The following JAK1 variants were observed in gnomAD, a reference collection of about 807,000 sequenced individuals.
The protein encoded by JAK1 is tyrosine-protein kinase JAK1.
A neutral mutation model predicts 136.6 loss-of-function variants in JAK1; 16 were observed. That is an observed-to-expected ratio of 0.12 (90% CI 0.08 to 0.18). The LOEUF (loss-of-function observed/expected upper bound fraction) is 0.18, where lower values mean the gene tolerates loss of function less well. Among genes scored for constraint, JAK1 ranks in the 10% least tolerant of loss-of-function variants. JAK1 has a pLI of 1.00. For missense variants in JAK1, 859 were observed against 1,450.1 expected (o/e 0.59, Z 6.62); for synonymous variants, 492 against 519.5 (o/e 0.95, Z 0.72).
At chr1:64,976,825 G>A (rs1376021243) in intron 2 of JAK1, among the ~76,000 whole-genome samples, 1 of 152,090 alleles carries the variant, frequency 6.6e-6, no homozygotes, top group Non-Finnish European at 1.5e-5. Flanking sequence ...ACTTTACCCA[G>A]GTTAACAACC....
chr1:64,838,418 AG>A, intron 21 of JAK1, 46 bp downstream of exon 21: 1 of 1,599,520 alleles, frequency 6.3e-7, no homozygotes, highest in South Asian at 1.1e-5. Context: ...TACCCAGGAC[AG>A]AGTGCCTGAT....
intron 1 of JAK1, among the ~76,000 whole-genome samples, chr1:65,064,346 C>T (rs1284050114): frequency 6.6e-6 from 1 of 152,214 alleles, no homozygotes; most frequent in Non-Finnish European, 1.5e-5. Flanking sequence ...TCTCTGTCAC[C>T]TGGATTCTTT....
chr1:64,878,430 A>C (rs969494575), intron 4 of JAK1, among the ~76,000 whole-genome samples: 10 of 152,016 alleles, frequency 6.6e-5, no homozygotes, highest in African/African-American at 2.2e-4. Context: ...AGTAGTCAAA[A>C]CATCCACTCC....
intron 9 of JAK1, among the ~76,000 whole-genome samples, chr1:64,858,722 A>T (rs1656103229): frequency 6.6e-6 from 1 of 152,234 alleles, no homozygotes; most frequent in African/African-American, 2.4e-5. Context: ...AGGTGAGGGT[A>T]GTCAGACCAG....
At chr1:64,872,147 G>A (rs1373159449) in intron 5 of JAK1, among the ~76,000 whole-genome samples, 3 of 152,096 alleles carry the variant, frequency 2.0e-5, no homozygotes, top group Admixed American at 1.3e-4. Context: ...GAGGAGAGTC[G>A]GCAATATTGA....
chr1:64,834,714 A>G, intron 24 of JAK1, 57 bp from the exon 25 acceptor site: 6 of 1,078,300 alleles, frequency 5.6e-6, no homozygotes, highest in Non-Finnish European at 8.4e-6. Context: ...ACTTTAAAAA[A>G]TAACAGAAAT....
At chr1:64,843,742 A>G (rs985280060) in intron 17 of JAK1, among the ~76,000 whole-genome samples, 8 of 152,214 alleles carry the variant, frequency 5.3e-5, no homozygotes, top group African/African-American at 1.2e-4. Flanking sequence ...ATTTTGCTGA[A>G]TAACAGGCAC....
At chr1:64,892,460 T>C (rs921659134) in intron 1 of JAK1, among the ~76,000 whole-genome samples, 5 of 152,128 alleles carry the variant, frequency 3.3e-5, no homozygotes, top group African/African-American at 9.7e-5. Flanking sequence ...TTTGTTGTTG[T>C]TGTTTTTGGG....
chr1:64,900,205 T>C (rs771028784), intron 1 of JAK1, among the ~76,000 whole-genome samples: 1 of 152,142 alleles, frequency 6.6e-6, no homozygotes. Context: ...AATTAAGAGA[T>C]GTGACAAGGC....
rs894356503 is a variant in JAK1, at chr1:64,857,642, G to C, written c.1458+14C>G. ...TGGCTGTATGGCCTGGTCCAAGCCA[G>C]TGTCCTGACTGACCTCAGACTTCTC... On this transcript the variant is annotated intron_variant, in intron 10 of 24. Transcript: ENST00000342505. 3 of 1,613,802 alleles carry C rather than the reference G, an allele frequency of 1.9e-6. No individual in the cohort carries two copies. The highest frequency in any genetic ancestry group is 2.7e-5 in the African/African-American group (2 of 74,932).
intron 1 of JAK1, among the ~76,000 whole-genome samples, chr1:64,941,448 GAA>G (rs1409309324): frequency 6.6e-6 from 1 of 152,078 alleles, no homozygotes; most frequent in Non-Finnish European, 1.5e-5. Context: ...TATCAGAAAT[GAA>G]AAATAAAACA....
intron 1 of JAK1, among the ~76,000 whole-genome samples, chr1:65,067,378 CG>C (rs1038112870): frequency 5.4e-5 from 8 of 149,222 alleles, no homozygotes; most frequent in African/African-American, 1.7e-4. Flanking sequence ...CCGCTCTGTG[CG>C]CCCCACGGCT....
intron 1 of JAK1, among the ~76,000 whole-genome samples, chr1:64,926,186 A>G (rs558715186): frequency 2.0e-5 from 3 of 151,834 alleles, no homozygotes; most frequent in South Asian, 2.1e-4. Flanking sequence ...GCTCTAACCT[A>G]TCTTCACTCC....
intron 1 of JAK1, among the ~76,000 whole-genome samples, chr1:64,923,353 T>A (rs1382518365): frequency 6.6e-6 from 1 of 152,248 alleles, no homozygotes; most frequent in Non-Finnish European, 1.5e-5. Flanking sequence ...TAACTCATTA[T>A]AAACTACACT....
chr1:64,898,886 G>A (rs1465468820), intron 1 of JAK1, among the ~76,000 whole-genome samples: 10 of 152,078 alleles, frequency 6.6e-5, no homozygotes, highest in Admixed American at 6.5e-4. Context: ...CAGAAATGTG[G>A]CACAAACCCA....
chr1:64,867,480 G>A (rs1656776899), intron 6 of JAK1, among the ~76,000 whole-genome samples: 1 of 152,212 alleles, frequency 6.6e-6, no homozygotes, highest in Non-Finnish European at 1.5e-5. Flanking sequence ...GGGTCACCAA[G>A]GCAGGGCATC....
chr1:64,969,951 C>T (rs914606323), upstream of JAK1, among the ~76,000 whole-genome samples: 1 of 151,832 alleles, frequency 6.6e-6, no homozygotes, highest in Non-Finnish European at 1.5e-5. Flanking sequence ...GCTTGCGCAA[C>T]ATGGCAAAAC....
intron 4 of JAK1, among the ~76,000 whole-genome samples, chr1:64,877,372 T>C (rs1644689577): frequency 6.6e-6 from 1 of 152,038 alleles, no homozygotes; most frequent in African/African-American, 2.4e-5. Flanking sequence ...AACAAAGCAA[T>C]ATCCTGTTGA....
At chr1:64,966,763 T>C (rs1215125073), upstream of JAK1, among the ~76,000 whole-genome samples, 1 of 148,120 alleles carries the variant, frequency 6.8e-6, no homozygotes, top group African/African-American at 2.5e-5. Flanking sequence ...CCGCGTCCTC[T>C]AGATTCTAGA....
Sources: gnomAD v4.1 joint callset for allele counts (sites outside exome capture counted in the v4.1 genomes callset) on GRCh38, gnomAD v4.1.1 for gene constraint, MANE v1.5 for transcripts, NCBI Gene and HGNC (gene_info 2026-07-23, HGNC 2026-07-21) for gene names.